The following PARD3 variants were observed in gnomAD, a reference collection of about 807,000 sequenced individuals.
The protein encoded by PARD3 is partitioning defective 3 homolog.
PARD3 carries 75 observed loss-of-function variants against 155.4 expected under a neutral mutation model. The observed-to-expected ratio is 0.48, with a 90% confidence interval of 0.40 to 0.58. The LOEUF (loss-of-function observed/expected upper bound fraction) is 0.58. Among genes scored for constraint, PARD3 ranks in the 20% least tolerant of loss-of-function variants. The pLI is 0.00. For synonymous variants in PARD3, 576 were observed against 610.5 expected (o/e 0.94, Z 0.83); for missense variants, 1,642 against 1,721.7 (o/e 0.95, Z 0.82).
intron 19 of PARD3, among the ~76,000 whole-genome samples, chr10:34,322,967 A>C (rs902123319): frequency 6.6e-6 from 1 of 152,342 alleles, no homozygotes; most frequent in South Asian, 2.1e-4. Context: ...TATTCTTAAA[A>C]CAAAACTTTT....
intron 2 of PARD3, among the ~76,000 whole-genome samples, chr10:34,598,525 A>T (rs1419875875): frequency 6.6e-6 from 1 of 152,082 alleles, no homozygotes; most frequent in Non-Finnish European, 1.5e-5. Flanking sequence ...CAATATGAGA[A>T]TGAAAAAAAA....
chr10:34,630,443 CT>C lies in PARD3; in HGVS notation c.222+65874del, dbSNP rs755155387. The stretch of plus-strand genomic sequence containing the variant: ...GTCCACCCTTATCCTCCCTCTCTCT[CT>C]TTTTTTTTTTTTTTTTCTTCCGGAG... On this transcript the variant is annotated intron_variant, in intron 2 of 24. Coordinates refer to ENST00000374788, the MANE Select transcript of PARD3 (RefSeq NM_001184785.2). Among the ~76,000 whole-genome samples the C allele has an allele frequency of 8.0e-3, 1,112 of 139,276 alleles. 7 individuals are homozygous for C. The highest frequency in any genetic ancestry group is 0.03 in the Middle Eastern group (8 of 270). 91.4% of individuals were successfully genotyped at this position (139,276 alleles called of 152,430 possible).
chr10:34,239,152 T>A (rs1054387742), intron 22 of PARD3, among the ~76,000 whole-genome samples: 6 of 152,232 alleles, frequency 3.9e-5, no homozygotes, highest in Non-Finnish European at 8.8e-5. Flanking sequence ...TTATTTAAGG[T>A]CATGTGAATT....
intron 19 of PARD3, among the ~76,000 whole-genome samples, chr10:34,329,633 G>C (rs552137414): frequency 2.0e-5 from 3 of 152,184 alleles, no homozygotes; most frequent in African/African-American, 7.2e-5. Flanking sequence ...GACACCAGGA[G>C]GCTGCAACTG....
intron 22 of PARD3, among the ~76,000 whole-genome samples, chr10:34,256,060 T>C (rs2133772959): frequency 6.6e-6 from 1 of 152,332 alleles, no homozygotes; most frequent in East Asian, 1.9e-4. Flanking sequence ...GTTTAAAAAA[T>C]AAAGATTTAC....
At chr10:34,556,706 G>A (rs1171362951) in intron 2 of PARD3, among the ~76,000 whole-genome samples, 1 of 152,100 alleles carries the variant, frequency 6.6e-6, no homozygotes, top group Admixed American at 6.6e-5. Flanking sequence ...AAAGAATTCA[G>A]ATGAGCGTAG....
chr10:34,666,501 C>T (rs903923454), intron 2 of PARD3, among the ~76,000 whole-genome samples: 2 of 151,854 alleles, frequency 1.3e-5, no homozygotes, highest in East Asian at 1.9e-4. Flanking sequence ...AAGAAAACCC[C>T]GAGCACATTG....
chr10:34,641,483 C>CTGG (rs2092677028), intron 2 of PARD3, among the ~76,000 whole-genome samples: 1 of 152,278 alleles, frequency 6.6e-6, no homozygotes, highest in South Asian at 2.1e-4. Flanking sequence ...TTTGACTGAA[C>CTGG]AGTGGTCTTT....
chr10:34,711,423 A>C (rs1256839047), intron 1 of PARD3, among the ~76,000 whole-genome samples: 1 of 152,062 alleles, frequency 6.6e-6, no homozygotes, highest in African/African-American at 2.4e-5. Context: ...CGGGAGGCTG[A>C]GGCAGAAGAA....
At chr10:34,495,690 C>T (rs1200710092) in intron 3 of PARD3, among the ~76,000 whole-genome samples, 1 of 152,108 alleles carries the variant, frequency 6.6e-6, no homozygotes, top group Non-Finnish European at 1.5e-5. Flanking sequence ...GAGGATGCTG[C>T]TACCAACAGC....
chr10:34,604,763 C>T (rs761625697), intron 2 of PARD3, among the ~76,000 whole-genome samples: 1 of 151,592 alleles, frequency 6.6e-6, no homozygotes, highest in Non-Finnish European at 1.5e-5. Context: ...TCTCGCTATA[C>T]CGTCTACTGA....
Position 34,119,669 on chromosome 10 carries a change from C to A in PARD3, c.3612G>T (p.Arg1204=). ...GCTGGGAGCTCTCGCGCTCCTCCTG[C>A]CGCTGCCGCTGCATCTGCACCTCCA... The part of the protein sequence containing the change: ...VSVEVQMQRQ[R]QEERESSQQA... Residue 1204 remains arginine, a synonymous_variant, in exon 24 of 25, where the codon CGG becomes CGT. Coordinates refer to ENST00000374788, the MANE Select transcript of PARD3 (RefSeq NM_001184785.2). The A allele has an allele frequency of 6.2e-7, 1 of 1,612,094 alleles. No individual in the cohort carries two copies. Among genetic ancestry groups the A allele is most frequent in the Non-Finnish European group, 8.5e-7 (1 of 1,179,408 alleles).
intron 22 of PARD3, among the ~76,000 whole-genome samples, chr10:34,191,744 G>A (rs189529383): frequency 6.6e-6 from 1 of 152,220 alleles, no homozygotes; most frequent in Admixed American, 6.5e-5. Flanking sequence ...CCGCTGAAGA[G>A]ACAGAGCAGA....
chr10:34,630,040 T>TAC (rs2092181555), intron 2 of PARD3, among the ~76,000 whole-genome samples: 1 of 152,058 alleles, frequency 6.6e-6, no homozygotes, highest in Non-Finnish European at 1.5e-5. Flanking sequence ...GTGTAGCCCC[T>TAC]ACACAGGCTG....
chr10:34,280,667 A>G (rs1956113597), intron 21 of PARD3, among the ~76,000 whole-genome samples: 1 of 152,172 alleles, frequency 6.6e-6, no homozygotes, highest in Non-Finnish European at 1.5e-5. Context: ...ACAGCCAGTT[A>G]GAGGAGTAAG....
chr10:34,812,110 A>G (rs1030872829), intron 1 of PARD3, among the ~76,000 whole-genome samples: 2 of 152,232 alleles, frequency 1.3e-5, no homozygotes, highest in South Asian at 2.1e-4. Flanking sequence ...ACACTTCACT[A>G]TCCAGAAAAA....
At chr10:34,418,888 T>C (rs940152349) in intron 5 of PARD3, among the ~76,000 whole-genome samples, 3 of 151,928 alleles carry the variant, frequency 2.0e-5, no homozygotes, top group Non-Finnish European at 2.9e-5. Flanking sequence ...TTCCTGCCTC[T>C]GCCTCCTGAA....
At chr10:34,391,565 C>T (rs11009769) in intron 7 of PARD3, among the ~76,000 whole-genome samples, 36,163 of 152,006 alleles carry the variant, frequency 0.24, 5,042 homozygotes, top group South Asian at 0.44. Context: ...TGGTATGTCT[C>T]AAGACCATCC....
At chr10:34,596,867 C>G (rs959314183) in intron 2 of PARD3, among the ~76,000 whole-genome samples, 4 of 152,148 alleles carry the variant, frequency 2.6e-5, no homozygotes, top group Admixed American at 6.5e-5. Flanking sequence ...AAATAACTCT[C>G]AAGAGGGACT....
Sources: allele counts gnomAD v4.1 joint callset (sites outside exome capture counted in the v4.1 genomes callset), GRCh38; gene constraint gnomAD v4.1.1; transcripts MANE v1.5; gene names NCBI Gene and HGNC (gene_info 2026-07-23, HGNC 2026-07-21).